Variants in FBLN1 observed in about 807,000 individuals in gnomAD.
FBLN1 encodes fibulin-1.
FBLN1 carries 34 observed loss-of-function variants against 89.7 expected under a neutral mutation model. That is an observed-to-expected ratio of 0.38 (90% CI 0.29 to 0.50). The LOEUF is 0.50. Ranked by LOEUF, FBLN1 falls within the 20% of genes least tolerant of loss-of-function variation. The pLI is 0.92. For synonymous variants in FBLN1, 393 were observed against 391.3 expected (o/e 1.00, Z -0.05); for missense variants, 777 against 988.1 (o/e 0.79, Z 2.86).
At chr22:45,567,756 G>T (rs768220301) in intron 14 of FBLN1, among the ~76,000 whole-genome samples, 2 of 151,934 alleles carry the variant, frequency 1.3e-5, no homozygotes, top group Non-Finnish European at 2.9e-5. Flanking sequence ...ATTTACAAAC[G>T]AAACAAGGTA....
intron 16 of FBLN1, among the ~76,000 whole-genome samples, chr22:45,585,126 G>C (rs1438075753): frequency 2.0e-5 from 3 of 152,134 alleles, no homozygotes; most frequent in African/African-American, 7.3e-5. Context: ...AGAGAGAGAA[G>C]TGGCGTGTGG....
In FBLN1 at chr22:45,550,738, T is replaced by G; in HGVS notation, c.1697+123T>G. ...TCCTCCCATGAGGGACTCAGGGCAC[T>G]CAAAGATCACCTGATCCCTGGCCCT... On this transcript the variant is annotated intron_variant, in intron 14 of 16. Transcript: ENST00000327858. This position sits in a 1 kb window ranked among gnomAD's most constrained non-coding sequence, Gnocchi z 8.4. 7.2e-7 allele frequency: 1 copy of G among 1,391,936 alleles called. No individual in the cohort carries two copies. The highest frequency in any genetic ancestry group is 1.0e-6 in the Non-Finnish European group (1 of 985,700). 86.2% of individuals were successfully genotyped at this position (1,391,936 alleles called of 1,614,324 possible).
At chr22:45,519,268 C>T (rs973704360) in intron 2 of FBLN1, among the ~76,000 whole-genome samples, 1 of 152,120 alleles carries the variant, frequency 6.6e-6, no homozygotes, top group Non-Finnish European at 1.5e-5. Context: ...CGTTTTTATT[C>T]TTCTCTCCCT....
At chr22:45,524,349 C>T (rs547493453) in intron 2 of FBLN1, among the ~76,000 whole-genome samples, 5 of 152,242 alleles carry the variant, frequency 3.3e-5, no homozygotes, top group Admixed American at 6.5e-5. Context: ...ACACTCCTCT[C>T]CTGCTCATTG....
chr22:45,526,518 G>A (rs1424073966), intron 3 of FBLN1, among the ~76,000 whole-genome samples: 1 of 151,284 alleles, frequency 6.6e-6, no homozygotes, highest in Non-Finnish European at 1.5e-5. Context: ...GGTGCCAGAT[G>A]ACGAAAATGC....
intron 1 of FBLN1, among the ~76,000 whole-genome samples, chr22:45,506,318 CT>C (rs1285433236): frequency 6.6e-6 from 1 of 152,220 alleles, no homozygotes; most frequent in Admixed American, 6.5e-5. Flanking sequence ...CCCCATGGGG[CT>C]ATAGGACTGG....
Position 45,543,449 on chromosome 22 carries a change from G to A in FBLN1, c.1244G>A (p.Cys415Tyr). 6.2e-7 allele frequency: 1 copy of A among 1,613,812 alleles called. No individual in the cohort carries two copies. The highest frequency in any genetic ancestry group is 8.5e-7 in the Non-Finnish European group (1 of 1,180,002). The change falls in exon 11 of 17, where the codon TGC becomes TAC. Residue 415 changes from cysteine to tyrosine, a missense_variant. Physicochemically the swap from Cys to Tyr is radical, Grantham distance 194. Transcript: ENST00000327858. ...RYPGRLCGHKCENTLGSYLCS... is the reference protein window; with the variant it reads ...RYPGRLCGHKYENTLGSYLCS... ...CCCGGGCGCCTGTGTGGCCACAAGT[G>A]CGAGAACACGCTGGGCTCCTACCTC...
Position 45,537,400 on chromosome 22 carries a change from CTT to C in FBLN1, c.922+2064_922+2065del, listed in dbSNP as rs2088496109. 6.6e-6 allele frequency among the ~76,000 whole-genome samples: 1 copy of C among 152,104 alleles called. No individual in the cohort carries two copies. The highest frequency in any genetic ancestry group is 2.4e-5 in the African/African-American group (1 of 41,382). On this transcript the variant is annotated intron_variant, in intron 8 of 16. Coordinates refer to ENST00000327858, the MANE Select transcript of FBLN1 (RefSeq NM_006486.3). The surrounding 1 kb of genome is among the most constrained non-coding windows in gnomAD (Gnocchi z 5.7). ...TTGGGAGGCCAAGGCGGGTGGATCA[CTT>C]GAGGTCAGGAGTTCGAGACCAGCCT...
intron 2 of FBLN1, among the ~76,000 whole-genome samples, chr22:45,525,025 A>G (rs1298988516): frequency 6.6e-6 from 1 of 152,098 alleles, no homozygotes; most frequent in East Asian, 1.9e-4. Context: ...CAGAGGCTGC[A>G]GTGAGCTGAG....
chr22:45,508,604 CA>C (rs985473730), intron 1 of FBLN1, among the ~76,000 whole-genome samples: 12 of 152,084 alleles, frequency 7.9e-5, no homozygotes, highest in African/African-American at 2.2e-4. Flanking sequence ...AAGTCTAGTT[CA>C]GGGGGGGATG....
rs1366242183 is a variant in FBLN1, at chr22:45,575,254, G to A, written c.1840+601G>A. 6.6e-6 allele frequency among the ~76,000 whole-genome samples: 1 copy of A among 152,138 alleles called. No homozygotes were observed. The highest frequency in any genetic ancestry group is 2.4e-5 in the African/African-American group (1 of 41,418). ...GTGACCAGCACTGGAGAATCAGGGAGGGCCTCCGGGAGGAAGTGATGGCTA... is the reference window on the plus strand; with the variant it reads ...GTGACCAGCACTGGAGAATCAGGGAAGGCCTCCGGGAGGAAGTGATGGCTA... On this transcript the variant is annotated intron_variant, in intron 15 of 16. Transcript: ENST00000327858. This position sits in a 1 kb window ranked among gnomAD's most constrained non-coding sequence, Gnocchi z 6.3.
intron 14 of FBLN1, among the ~76,000 whole-genome samples, chr22:45,568,471 C>CTTCTGTAGGGGAATGCCT (rs2088917937): frequency 9.6e-6 from 1 of 104,182 alleles, no homozygotes; most frequent in African/African-American, 4.8e-5. Flanking sequence ...GGGGAGTGCT[C>CTTCTGTAGGGGAATGCCT]CTTCTGTAGG....
rs2089045738 is a variant in FBLN1 at position 45,581,969 on chromosome 22, CG to C, written c.1972+4864del. 6.6e-6 allele frequency among the ~76,000 whole-genome samples: 1 copy of C among 152,154 alleles called. No individual in the cohort carries two copies. Among genetic ancestry groups the C allele is most frequent in the Non-Finnish European group, 1.5e-5 (1 of 68,016 alleles). On this transcript the variant is annotated intron_variant, in intron 16 of 16. Coordinates refer to ENST00000327858, the MANE Select transcript of FBLN1 (RefSeq NM_006486.3). The surrounding 1 kb of genome is among the most constrained non-coding windows in gnomAD (Gnocchi z 7.6). ...GCTGTCCTGGGGACCACGGGAGCCA[CG>C]GGAGGTCTGTGCTGCCCATGGAGCT...
In FBLN1 at chr22:45,545,311, C is replaced by T. The variant is rs927319914; in HGVS notation, c.1322-1774C>T. Among the ~76,000 whole-genome samples the T allele has an allele frequency of 1.3e-5, 2 of 152,088 alleles. No homozygotes were observed. The highest frequency in any genetic ancestry group is 6.5e-5 in the Admixed American group (1 of 15,270). On this transcript the variant is annotated intron_variant, in intron 11 of 16. Transcript: ENST00000327858. This position sits in a 1 kb window ranked among gnomAD's most constrained non-coding sequence, Gnocchi z 5.9. ...GGCCATGGTGTCCTCATCTGTAAAACGGGCATAGTAGGACCAACCCCATAG... is the reference window on the plus strand; with the variant it reads ...GGCCATGGTGTCCTCATCTGTAAAATGGGCATAGTAGGACCAACCCCATAG...
At position 45,570,428 on chromosome 22, in the gene FBLN1, C is replaced by T. The variant is rs534185257; in HGVS notation, c.1698-4083C>T. Among the ~76,000 whole-genome samples the T allele has an allele frequency of 2.3e-5, 3 of 129,422 alleles. No individual in the cohort carries two copies. In the East Asian group the frequency reaches 7.0e-4, roughly 30 times the overall value. 84.9% of individuals were successfully genotyped at this position (129,422 alleles called of 152,430 possible). ...AAATCGAGTCAGAATTAGAAGAAAA[C>T]TGAGAAATGAAGTAATAGACCAAAG... On this transcript the variant is annotated intron_variant, in intron 14 of 16. Coordinates refer to ENST00000327858, the MANE Select transcript of FBLN1 (RefSeq NM_006486.3).
chr22:45,508,570 C>G (rs1467566271), intron 1 of FBLN1, among the ~76,000 whole-genome samples: 2 of 152,140 alleles, frequency 1.3e-5, no homozygotes, highest in Non-Finnish European at 2.9e-5. Flanking sequence ...CAGCCTCACG[C>G]ACCTTTAGAA....
intron 16 of FBLN1, among the ~76,000 whole-genome samples, chr22:45,593,355 G>A (rs1363388645): frequency 4.6e-5 from 7 of 152,124 alleles, no homozygotes; most frequent in Non-Finnish European, 1.0e-4. Flanking sequence ...CAGCACATCA[G>A]CTGCAACTTA....
At chr22:45,544,384 G>C (rs2088599329) in intron 11 of FBLN1, among the ~76,000 whole-genome samples, 1 of 152,170 alleles carries the variant, frequency 6.6e-6, no homozygotes, top group Non-Finnish European at 1.5e-5. Context: ...ACCGCGCCCG[G>C]CCTGCCTCTA....
In FBLN1 at chr22:45,541,367, G is replaced by C; in HGVS notation, c.1061G>C (p.Cys354Ser). 6.2e-7 allele frequency: 1 copy of C among 1,614,242 alleles called. No homozygotes were observed. The highest frequency in any genetic ancestry group is 8.5e-7 in the Non-Finnish European group (1 of 1,180,036). ...CATCTCAACGAGGAGGGAACGCGCT[G>C]TGTTGGTTGGTATTAAGAAAACAAA... is the stretch of plus-strand genomic sequence containing the variant. ...GYHLNEEGTR[C>S]VDVDECAPPA... The change falls in exon 9 of 17, where the codon TGT (cysteine) becomes TCT (serine). Residue 354 changes from cysteine (C) to serine (S), a missense_variant. By Grantham distance (112) the Cys-to-Ser change is moderately radical. Transcript: ENST00000327858.
Sources: allele counts gnomAD v4.1 joint callset (sites outside exome capture counted in the v4.1 genomes callset), GRCh38; gene constraint gnomAD v4.1.1; non-coding constraint Gnocchi (gnomAD v3.1); transcripts MANE v1.5; gene names NCBI Gene and HGNC (gene_info 2026-07-23, HGNC 2026-07-21).